Variants in ROBO2 observed in about 807,000 individuals in gnomAD.
The protein encoded by ROBO2 is roundabout homolog 2.
In ROBO2, 53 loss-of-function variants were observed where a neutral mutation model predicts 160.8. That is an observed-to-expected ratio of 0.33 (90% confidence interval 0.26 to 0.41). ROBO2 has a LOEUF of 0.41. Among genes scored for constraint, ROBO2 ranks in the 10% least tolerant of loss-of-function variants. ROBO2 has a pLI of 1.00. For missense variants in ROBO2, 1,577 were observed against 1,722.4 expected (o/e 0.92, Z 1.49); for synonymous variants, 664 against 611.7 (o/e 1.09, Z -1.26).
At chr3:76,801,290 A>G (rs1375034030) in intron 2 of ROBO2, among the ~76,000 whole-genome samples, 1 of 152,182 alleles carries the variant, frequency 6.6e-6, no homozygotes, top group Non-Finnish European at 1.5e-5. Context: ...GAAAGAAATG[A>G]AGATGGTCAG....
chr3:77,419,272 T>A (rs2077511437), intron 2 of ROBO2, among the ~76,000 whole-genome samples: 1 of 152,134 alleles, frequency 6.6e-6, no homozygotes, highest in South Asian at 2.1e-4. Flanking sequence ...TAATAAATGT[T>A]ATTAGCAATA....
Position 76,563,271 on chromosome 3 carries a change from TTAAG to T in ROBO2, c.110-534739_110-534736del, listed in dbSNP as rs1339858908. ...CATTTCTTCTTTAAGTGTGATTTTC[TTAAG>T]TAATCTGTTTTAATAGAGCCGATTA... is the stretch of plus-strand genomic sequence containing the variant. On this transcript the variant is annotated intron_variant, in intron 2 of 26. Transcript: ENST00000487694. Among the ~76,000 whole-genome samples, 3 of 152,210 alleles carry T rather than the reference TTAAG, an allele frequency of 2.0e-5. No individual in the cohort carries two copies. In the East Asian group the frequency reaches 5.8e-4, roughly 29 times the overall value.
At chr3:76,466,673 T>C (rs2078378251) in intron 2 of ROBO2, among the ~76,000 whole-genome samples, 1 of 152,058 alleles carries the variant, frequency 6.6e-6, no homozygotes, top group South Asian at 2.1e-4. Context: ...CAGAAAGCTC[T>C]GGCTAGCTTT....
chr3:76,510,530 T>A (rs773224576), intron 2 of ROBO2, among the ~76,000 whole-genome samples: 11 of 151,962 alleles, frequency 7.2e-5, no homozygotes, highest in Non-Finnish European at 1.3e-4. Flanking sequence ...TTGAGACCAG[T>A]CTGGCCAACA....
At chr3:77,022,307 T>A (rs921455824) in intron 2 of ROBO2, among the ~76,000 whole-genome samples, 2 of 151,996 alleles carry the variant, frequency 1.3e-5, no homozygotes, top group African/African-American at 4.8e-5. Flanking sequence ...GACGCGGAGG[T>A]TGCAGTGAGC....
intron 2 of ROBO2, among the ~76,000 whole-genome samples, chr3:76,794,798 A>C (rs1038024470): frequency 1.3e-5 from 2 of 152,066 alleles, no homozygotes. Context: ...AAGCATTTCT[A>C]TTCTGGCTAA....
chr3:75,979,210 T>C (rs1177906884), intron 2 of ROBO2, among the ~76,000 whole-genome samples: 1 of 151,628 alleles, frequency 6.6e-6, no homozygotes, highest in Non-Finnish European at 1.5e-5. Context: ...AACTAACAGA[T>C]ACTCTATCAT....
intron 2 of ROBO2, among the ~76,000 whole-genome samples, chr3:77,241,395 T>C (rs1333977198): frequency 2.6e-5 from 4 of 152,224 alleles, no homozygotes; most frequent in African/African-American, 9.6e-5. Flanking sequence ...TAAGTTTGAC[T>C]CAAACTATAA....
chr3:76,994,811 C>T (rs1578127120), intron 2 of ROBO2, among the ~76,000 whole-genome samples: 1 of 152,080 alleles, frequency 6.6e-6, no homozygotes, highest in Non-Finnish European at 1.5e-5. Context: ...GAATCTTCTG[C>T]ATTTCACCAA....
chr3:76,379,221 A>C (rs1486878431), intron 2 of ROBO2, among the ~76,000 whole-genome samples: 2 of 152,220 alleles, frequency 1.3e-5, no homozygotes, highest in Non-Finnish European at 2.9e-5. Flanking sequence ...TAAGCCACAT[A>C]CTAGACAGCT....
At chr3:76,783,700 C>T (rs931600593) in intron 2 of ROBO2, among the ~76,000 whole-genome samples, 2 of 150,714 alleles carry the variant, frequency 1.3e-5, no homozygotes, top group African/African-American at 2.4e-5. Context: ...TCGATAAAAG[C>T]CTCTATGTTC....
At chr3:76,742,565 AT>A (rs544199590) in intron 2 of ROBO2, among the ~76,000 whole-genome samples, 2 of 152,086 alleles carry the variant, frequency 1.3e-5, no homozygotes, top group South Asian at 4.1e-4. Context: ...CCAAATGAAG[AT>A]TTTTTTTAAA....
At chr3:76,444,235 C>A (rs1395095696) in intron 2 of ROBO2, among the ~76,000 whole-genome samples, 1 of 152,052 alleles carries the variant, frequency 6.6e-6, no homozygotes, top group Admixed American at 6.6e-5. Context: ...GCCTTGGCCT[C>A]CAAAAGTGCT....
rs990999381 is a variant in ROBO2 at position 77,314,952 on chromosome 3, C to A, written c.389-162462C>A. Among the ~76,000 whole-genome samples, 3 of 152,090 alleles carry A rather than the reference C, an allele frequency of 2.0e-5. No individual in the cohort carries two copies. In the East Asian group the frequency reaches 5.8e-4, roughly 29 times the overall value. On this transcript the variant is annotated intron_variant, in intron 2 of 25. Coordinates refer to ENST00000461745, the Ensembl canonical transcript of ROBO2. ...TTACAACAATTTTCAAATGAATCTA[C>A]TTGGAAGTTTCGTATTTATCTCATT...
At chr3:76,638,811 A>T (rs1236505977) in intron 2 of ROBO2, among the ~76,000 whole-genome samples, 2 of 152,176 alleles carry the variant, frequency 1.3e-5, no homozygotes, top group Admixed American at 6.5e-5. Flanking sequence ...ATAAATTATG[A>T]TTGATTCAGA....
At chr3:77,179,348 G>A (rs149465594) in intron 2 of ROBO2, among the ~76,000 whole-genome samples, 624 of 150,850 alleles carry the variant, frequency 4.1e-3, no homozygotes, top group Middle Eastern at 0.034. Context: ...ACTCATGTAC[G>A]TATTTCCTTT....
intron 2 of ROBO2, among the ~76,000 whole-genome samples, chr3:76,433,510 A>G (rs981309285): frequency 2.6e-5 from 4 of 152,198 alleles, no homozygotes; most frequent in African/African-American, 9.6e-5. Flanking sequence ...TAAATAGTAT[A>G]CATTCTTTCT....
chr3:76,699,626 G>A (rs529407957), intron 2 of ROBO2, among the ~76,000 whole-genome samples: 8 of 152,236 alleles, frequency 5.3e-5, no homozygotes, highest in Non-Finnish European at 1.2e-4. Flanking sequence ...TCTGCTCCAT[G>A]TGCAAATGTT....
intron 2 of ROBO2, among the ~76,000 whole-genome samples, chr3:76,622,231 G>A (rs758572147): frequency 0.088 from 3,135 of 35,672 alleles, 144 homozygotes; most frequent in South Asian, 0.17. Context: ...AGGAAGGAAG[G>A]AAGGAAGAAA....
Sources: gnomAD v4.1 joint callset for allele counts (sites outside exome capture counted in the v4.1 genomes callset) on GRCh38, gnomAD v4.1.1 for gene constraint, MANE v1.5 for transcripts, NCBI Gene and HGNC (gene_info 2026-07-23, HGNC 2026-07-21) for gene names.